The following MGMT variants were observed in gnomAD, a reference collection of about 807,000 sequenced individuals.
The protein encoded by MGMT is O-6-methylguanine-DNA methyltransferase, also known as methylated-DNA--protein-cysteine methyltransferase.
A neutral mutation model predicts 15.9 loss-of-function variants in MGMT; 14 were observed. That is an observed-to-expected ratio of 0.88 (90% confidence interval 0.58 to 1.37). MGMT has a LOEUF of 1.37. MGMT is among the 40% of genes most tolerant of loss of function. MGMT has a pLI of 0.00. For synonymous variants in MGMT, 130 were observed against 118.2 expected (o/e 1.10, Z -0.65); for missense variants, 282 against 268.1 (o/e 1.05, Z -0.36).
At chr10:129,522,943 G>GTTA (rs1845829438) in intron 1 of MGMT, among the ~76,000 whole-genome samples, 1 of 152,234 alleles carries the variant, frequency 6.6e-6, no homozygotes, top group Non-Finnish European at 1.5e-5. Flanking sequence ...TATTCTCTAA[G>GTTA]AAGTCAGTGA....
At chr10:129,543,302 G>C (rs1298017464) in intron 2 of MGMT, among the ~76,000 whole-genome samples, 1 of 152,174 alleles carries the variant, frequency 6.6e-6, no homozygotes, top group African/African-American at 2.4e-5. Context: ...GACGGGCTCT[G>C]CAGGCTGAGC....
In MGMT at chr10:129,538,882, C is replaced by T. The variant is rs375424414; in HGVS notation, c.125+2505C>T. Reference sequence around the variant, plus strand: ...AACTCCTGACCTTGTGATCTGCCTGCCTCGGCCTCCCAAAGTACTGGGATT... The same window carrying T: ...AACTCCTGACCTTGTGATCTGCCTGTCTCGGCCTCCCAAAGTACTGGGATT... On this transcript the variant is annotated intron_variant, in intron 2 of 4. Coordinates refer to ENST00000651593, the MANE Select transcript of MGMT (RefSeq NM_002412.5). 2.7e-4 allele frequency among the ~76,000 whole-genome samples: 41 copies of T among 152,328 alleles called. No individual in the cohort carries two copies. The East Asian group carries it at 7.3e-3, about 27-fold the overall frequency.
At chr10:129,569,742 C>T (rs529247399) in intron 2 of MGMT, among the ~76,000 whole-genome samples, 22 of 152,174 alleles carry the variant, frequency 1.4e-4, no homozygotes, top group Admixed American at 2.6e-4. Context: ...AGATTGAGCC[C>T]GGGGAGTGCT....
intron 2 of MGMT, among the ~76,000 whole-genome samples, chr10:129,613,716 G>C (rs753434805): frequency 1.3e-5 from 2 of 152,220 alleles, no homozygotes; most frequent in Non-Finnish European, 2.9e-5. Context: ...CTTGGCGGGA[G>C]GCTGGTGGCG....
intron 2 of MGMT, among the ~76,000 whole-genome samples, chr10:129,685,542 G>T (rs1481818534): frequency 6.6e-6 from 1 of 152,158 alleles, no homozygotes; most frequent in African/African-American, 2.4e-5. Context: ...TCTCCCCGGG[G>T]CCCTTTCGGC....
At chr10:129,653,903 G>A (rs1236878623) in intron 2 of MGMT, among the ~76,000 whole-genome samples, 1 of 152,194 alleles carries the variant, frequency 6.6e-6, no homozygotes, top group African/African-American at 2.4e-5. Flanking sequence ...GGGGATGAGA[G>A]GAGAGCGGCC....
intron 2 of MGMT, among the ~76,000 whole-genome samples, chr10:129,623,891 T>C (rs1048751356): frequency 6.6e-6 from 1 of 152,222 alleles, no homozygotes; most frequent in African/African-American, 2.4e-5. Flanking sequence ...CCACACCCTC[T>C]TCCTCAAGAA....
chr10:129,741,869 C>T (rs10829625), intron 3 of MGMT, among the ~76,000 whole-genome samples: 76,586 of 151,916 alleles, frequency 0.5, 19,562 homozygotes, highest in Admixed American at 0.59. Flanking sequence ...GGCCCACCGT[C>T]CAGGCCTGAG....
intron 3 of MGMT, among the ~76,000 whole-genome samples, chr10:129,731,084 C>G (rs1056579265): frequency 6.6e-6 from 1 of 152,184 alleles, no homozygotes; most frequent in Non-Finnish European, 1.5e-5. Context: ...GGAGGAAGGT[C>G]CATTTCCGAG....
intron 2 of MGMT, among the ~76,000 whole-genome samples, chr10:129,672,618 G>A (rs1050614064): frequency 2.0e-5 from 3 of 151,972 alleles, no homozygotes; most frequent in African/African-American, 7.3e-5. Context: ...GCCTAATTTG[G>A]TTTTAAACCC....
chr10:129,535,006 G>A (rs1845970202), intron 1 of MGMT, among the ~76,000 whole-genome samples: 1 of 152,184 alleles, frequency 6.6e-6, no homozygotes, highest in African/African-American at 2.4e-5. Flanking sequence ...GAACACAATT[G>A]TGTCTCAATA....
In MGMT at chr10:129,768,905, G is replaced by C. The variant is rs1023784164; in HGVS notation, c.*1908G>C. On this transcript the variant is annotated 3_prime_UTR_variant, in exon 5 of 5. Transcript: ENST00000651593. ...ACGCTGCAGGCAGGCTGCCTCCGCTGTTTGGGTCCCATGAACGATGGAAGC... is the reference window on the plus strand; with the variant it reads ...ACGCTGCAGGCAGGCTGCCTCCGCTCTTTGGGTCCCATGAACGATGGAAGC... The C allele has an allele frequency of 2.0e-5, 3 of 152,346 alleles. No homozygotes were observed. The highest frequency in any genetic ancestry group is 4.4e-5 in the Non-Finnish European group (3 of 68,130). 9.4% of individuals were successfully genotyped at this position (152,346 alleles called of 1,614,324 possible).
intron 1 of MGMT, among the ~76,000 whole-genome samples, chr10:129,519,772 G>A (rs989945002): frequency 7.2e-5 from 11 of 152,138 alleles, no homozygotes; most frequent in African/African-American, 2.7e-4. Flanking sequence ...TGGTGTGCAG[G>A]CTTAATGCTC....
chr10:129,640,840 AG>A (rs1297454797), intron 2 of MGMT, among the ~76,000 whole-genome samples: 1 of 152,258 alleles, frequency 6.6e-6, no homozygotes, highest in African/African-American at 2.4e-5. Context: ...CCATATCAAT[AG>A]GAAAAATGAA....
intron 2 of MGMT, among the ~76,000 whole-genome samples, chr10:129,612,748 A>G (rs1846976274): frequency 6.6e-6 from 1 of 152,224 alleles, no homozygotes; most frequent in Non-Finnish European, 1.5e-5. Context: ...GTGGTTCCAG[A>G]GAAAAACGAA....
At chr10:129,645,935 A>T (rs747852406) in intron 2 of MGMT, among the ~76,000 whole-genome samples, 17 of 152,178 alleles carry the variant, frequency 1.1e-4, no homozygotes, top group Non-Finnish European at 2.2e-4. Flanking sequence ...CCAGCAGACC[A>T]CTGCAGAAGG....
chr10:129,757,435 T>A (rs1848819788), intron 3 of MGMT, among the ~76,000 whole-genome samples: 1 of 152,128 alleles, frequency 6.6e-6, no homozygotes, highest in Non-Finnish European at 1.5e-5. Context: ...TTAGTAAAGT[T>A]CCAGGCCGTT....
Position 129,501,139 on chromosome 10 carries a change from A to G in MGMT, c.-13+33843A>G, listed in dbSNP as rs1845570283. 2.0e-5 allele frequency among the ~76,000 whole-genome samples: 3 copies of G among 152,194 alleles called. No individual in the cohort carries two copies. In the South Asian group the frequency reaches 6.2e-4, roughly 32 times the overall value. On this transcript the variant is annotated intron_variant, in intron 1 of 4. Coordinates refer to ENST00000651593, the MANE Select transcript of MGMT (RefSeq NM_002412.5). Reference sequence around the variant, plus strand: ...TCCTTTCTTGCTCTTAGCCAGTAGCAGCTGTCCTGGGCAGAGTTCCCTCAG... The same window carrying G: ...TCCTTTCTTGCTCTTAGCCAGTAGCGGCTGTCCTGGGCAGAGTTCCCTCAG...
chr10:129,643,615 C>G (rs1017765004), intron 2 of MGMT, among the ~76,000 whole-genome samples: 16 of 152,206 alleles, frequency 1.1e-4, no homozygotes, highest in African/African-American at 3.4e-4. Context: ...AAGCCTGTGA[C>G]TGTTCGTGCC....
Sources: gnomAD v4.1 joint callset for allele counts (sites outside exome capture counted in the v4.1 genomes callset) on GRCh38, gnomAD v4.1.1 for gene constraint, MANE v1.5 for transcripts, NCBI Gene and HGNC (gene_info 2026-07-23, HGNC 2026-07-21) for gene names.